The following KDM4B variants were observed in gnomAD, a reference collection of about 807,000 sequenced individuals.
KDM4B encodes the protein lysine demethylase 4B.
KDM4B carries 32 observed loss-of-function variants against 125.2 expected under a neutral mutation model. That is an observed-to-expected ratio of 0.26 (90% CI 0.19 to 0.34). The LOEUF (loss-of-function observed/expected upper bound fraction) is 0.34. Among genes scored for constraint, KDM4B ranks in the 10% least tolerant of loss-of-function variants. KDM4B has a pLI of 1.00. For synonymous variants in KDM4B, 721 were observed against 677.9 expected (o/e 1.06, Z -0.99); for missense variants, 1,190 against 1,577.7 (o/e 0.75, Z 4.16).
chr19:5,148,325 C>G (rs755905856), intron 21 of KDM4B, among the ~76,000 whole-genome samples: 2 of 152,212 alleles, frequency 1.3e-5, no homozygotes, highest in Admixed American at 6.5e-5. Context: ...GCCCCCAGTT[C>G]CCAAATGACC....
chr19:4,977,707 G>A (rs866693633), intron 1 of KDM4B, among the ~76,000 whole-genome samples: 1 of 152,170 alleles, frequency 6.6e-6, no homozygotes, highest in Admixed American at 6.5e-5. Flanking sequence ...AACTACCCAC[G>A]GGTGCTGTGG....
At chr19:5,019,735 TGGTGTG>T (rs1278455452) in intron 2 of KDM4B, among the ~76,000 whole-genome samples, 1 of 135,402 alleles carries the variant, frequency 7.4e-6, no homozygotes, top group Non-Finnish European at 1.6e-5. Context: ...GTGTGGGTGT[TGGTGTG>T]GGTGTTGGTG....
chr19:5,146,757 C>G (rs1026090904), intron 21 of KDM4B, among the ~76,000 whole-genome samples: 2 of 63,406 alleles, frequency 3.2e-5, no homozygotes, highest in Non-Finnish European at 6.9e-5. Context: ...TGAGACCCCC[C>G]CCCCCCCCAC....
chr19:5,145,752 A>G lies in KDM4B; in HGVS notation c.3021+850A>G, dbSNP rs957051148. ...GAGGAGGCGACAGCTTGTCTCTTCC[A>G]GTCACATCTGCCCCATTTGAGGAGT... On this transcript the variant is annotated intron_variant, in intron 21 of 22. Transcript: ENST00000159111. 2.6e-5 allele frequency among the ~76,000 whole-genome samples: 4 copies of G among 152,228 alleles called. No individual in the cohort carries two copies. In the East Asian group the frequency reaches 7.7e-4, roughly 29 times the overall value.
At chr19:4,988,097 C>G (rs540408229) in intron 1 of KDM4B, among the ~76,000 whole-genome samples, 25 of 152,300 alleles carry the variant, frequency 1.6e-4, no homozygotes, top group South Asian at 4.1e-4. Context: ...CAAAGCGGTG[C>G]AGGGGCAGGA....
At chr19:5,101,010 CAGG>C (rs1280678408) in intron 9 of KDM4B, among the ~76,000 whole-genome samples, 2 of 151,946 alleles carry the variant, frequency 1.3e-5, no homozygotes, top group Non-Finnish European at 2.9e-5. Context: ...CACCTGAGGT[CAGG>C]AGTTCAAGAC....
At chr19:4,991,391 A>C (rs1274546964) in intron 1 of KDM4B, among the ~76,000 whole-genome samples, 1 of 152,076 alleles carries the variant, frequency 6.6e-6, no homozygotes, top group Admixed American at 6.5e-5. Flanking sequence ...AGGTGGGAGG[A>C]TCACTTGAGT....
chr19:4,982,778 A>C (rs2034691190), intron 1 of KDM4B, among the ~76,000 whole-genome samples: 2 of 151,808 alleles, frequency 1.3e-5, no homozygotes, highest in South Asian at 4.2e-4. Context: ...ACACCCAGCT[A>C]ATTTTTGTAT....
At chr19:4,972,210 C>T (rs192797511) in intron 1 of KDM4B, among the ~76,000 whole-genome samples, 1 of 152,332 alleles carries the variant, frequency 6.6e-6, no homozygotes, top group Non-Finnish European at 1.5e-5. Context: ...TGGATCTCTG[C>T]CCTCTGTCCC....
chr19:5,123,320 G>A (rs1456288216), intron 11 of KDM4B, among the ~76,000 whole-genome samples: 8 of 152,328 alleles, frequency 5.3e-5, no homozygotes, highest in East Asian at 3.9e-4. Flanking sequence ...GGTGTCAGCC[G>A]GGCTGGCCCA....
At chr19:5,090,600 T>TCTC (rs2038677245) in intron 9 of KDM4B, among the ~76,000 whole-genome samples, 1 of 55,692 alleles carries the variant, frequency 1.8e-5, no homozygotes, top group Non-Finnish European at 3.6e-5. Context: ...CTCCCTCTCT[T>TCTC]TCTCTCTCTC....
chr19:5,103,243 T>A (rs2038971498), intron 9 of KDM4B, among the ~76,000 whole-genome samples: 1 of 152,226 alleles, frequency 6.6e-6, no homozygotes, highest in Non-Finnish European at 1.5e-5. Context: ...CACGAGCCAA[T>A]TTCGCTTGGC....
At chr19:5,013,101 C>A (rs1030954283) in intron 1 of KDM4B, among the ~76,000 whole-genome samples, 4 of 152,168 alleles carry the variant, frequency 2.6e-5, no homozygotes, top group Non-Finnish European at 5.9e-5. Flanking sequence ...GCTTTTGGGG[C>A]CCCAGAGAGG....
At chr19:5,023,267 C>T (rs1489261677) in intron 2 of KDM4B, among the ~76,000 whole-genome samples, 1 of 152,172 alleles carries the variant, frequency 6.6e-6, no homozygotes, top group Non-Finnish European at 1.5e-5. Context: ...CGTTCTCGTG[C>T]CAAGGTTTTC....
rs374549699 is a variant in KDM4B, at chr19:4,974,955, G to T, written c.-109+5725G>T. On this transcript the variant is annotated intron_variant, in intron 1 of 22. Coordinates refer to ENST00000159111, the MANE Select transcript of KDM4B (RefSeq NM_015015.3). ...CTGCACCTGCTCCTTTCCTGGCACA[G>T]CCGCCTTCCCTGCCCGCCCTTCCCT... Among the ~76,000 whole-genome samples, 21 of 152,018 alleles carry T rather than the reference G, an allele frequency of 1.4e-4. No homozygotes were observed. The South Asian group carries it at 4.4e-3, about 32-fold the overall frequency.
chr19:4,997,805 C>T lies in KDM4B; in HGVS notation c.-108-18452C>T, dbSNP rs1457424912. Among the ~76,000 whole-genome samples, 2 of 152,202 alleles carry T rather than the reference C, an allele frequency of 1.3e-5. No individual in the cohort carries two copies. Among genetic ancestry groups the T allele is most frequent in the East Asian group, 1.9e-4 (1 of 5,194 alleles). ...TGGTCTGTTCCAAAGGCCGCAGGCCCCAGAAAGACGGTGACACTCCAGGAG... is the reference window on the plus strand; with the variant it reads ...TGGTCTGTTCCAAAGGCCGCAGGCCTCAGAAAGACGGTGACACTCCAGGAG... On this transcript the variant is annotated intron_variant, in intron 1 of 22. Coordinates refer to ENST00000159111, the MANE Select transcript of KDM4B (RefSeq NM_015015.3). The surrounding 1 kb of genome is among the most constrained non-coding windows in gnomAD (Gnocchi z 4.2).
intron 6 of KDM4B, among the ~76,000 whole-genome samples, chr19:5,057,985 G>A (rs930670913): frequency 6.6e-6 from 1 of 152,216 alleles, no homozygotes; most frequent in African/African-American, 2.4e-5. Flanking sequence ...GAGGGAAGAG[G>A]GACTGATGGG....
intron 17 of KDM4B, 90 bp from the exon 18 acceptor site, chr19:5,137,872 C>G (rs549411570): frequency 3.3e-6 from 4 of 1,228,606 alleles, no homozygotes; most frequent in African/African-American, 3.0e-5. Flanking sequence ...CAGGCCCTGA[C>G]CCAGCCGACA....
intron 7 of KDM4B, among the ~76,000 whole-genome samples, chr19:5,072,430 C>G (rs1488856993): frequency 6.6e-6 from 1 of 152,048 alleles, no homozygotes; most frequent in African/African-American, 2.4e-5. Flanking sequence ...TATTTTTGAG[C>G]GTTTCTATTG....
Sources: gnomAD v4.1 joint callset for allele counts (sites outside exome capture counted in the v4.1 genomes callset) on GRCh38, gnomAD v4.1.1 for gene constraint, Gnocchi (gnomAD v3.1) non-coding constraint, MANE v1.5 for transcripts, NCBI Gene and HGNC (gene_info 2026-07-23, HGNC 2026-07-21) for gene names.